Variants in C9orf85 observed in about 807,000 individuals in gnomAD.
C9orf85 encodes chromosome 9 open reading frame 85.
In C9orf85, 16 loss-of-function variants were observed where a neutral mutation model predicts 14.9. The ratio of observed to expected loss-of-function variants is 1.08; its 90% CI spans 0.73 to 1.63. The LOEUF (loss-of-function observed/expected upper bound fraction) is 1.63, where lower values mean the gene tolerates loss of function less well. Ranked by LOEUF, C9orf85 falls within the 40% of genes most tolerant of loss-of-function variation. The pLI is 0.00. For missense variants in C9orf85, 172 were observed against 186.1 expected (o/e 0.92, Z 0.44); for synonymous variants, 45 against 56.8 (o/e 0.79, Z 0.93).
At chr9:71,914,612 C>T (rs1203601036) in intron 1 of C9orf85, among the ~76,000 whole-genome samples, 1 of 152,144 alleles carries the variant, frequency 6.6e-6, no homozygotes, top group African/African-American at 2.4e-5. Context: ...ATAGGTAAAG[C>T]ACTCATTCTC....
chr9:71,979,607 A>G (rs1823060450), intron 3 of C9orf85, among the ~76,000 whole-genome samples: 1 of 152,222 alleles, frequency 6.6e-6, no homozygotes, highest in African/African-American at 2.4e-5. Flanking sequence ...AGTTTTTAAT[A>G]CTTGTTGAGT....
chr9:71,911,859 G>A (rs1218962303), intron 1 of C9orf85, 23 bp downstream of exon 1: 1 of 1,598,374 alleles, frequency 6.3e-7, no homozygotes, highest in Non-Finnish European at 8.6e-7. Context: ...CTGTTGCACC[G>A]TCTTTGACTC....
At position 71,973,392 on chromosome 9, in the gene C9orf85, C is replaced by G. The variant is rs1822941522; in HGVS notation, c.*550C>G. ...AAATAAAATAACATTATTACATTGC[C>G]TCAAAAATTGGTCCTCGGTAAGTGC... On this transcript the variant is annotated 3_prime_UTR_variant, in exon 4 of 4. Transcript: ENST00000334731. 1 of 152,078 alleles carries G rather than the reference C, an allele frequency of 6.6e-6. No homozygotes were observed. Among genetic ancestry groups the G allele is most frequent in the Non-Finnish European group, 1.5e-5 (1 of 68,038 alleles). The allele number at this position is 152,078 out of a possible 1,614,324, so 9.4% of individuals were successfully genotyped here.
Position 71,931,367 on chromosome 9 carries a change from ATGTTTAGTCTGTAACTAAACAG to A in C9orf85, c.103-15624_103-15603del, listed in dbSNP as rs558099512. Among the ~76,000 whole-genome samples, 345 of 152,322 alleles carry A rather than the reference ATGTTTAGTCTGTAACTAAACAG, an allele frequency of 2.3e-3. 2 individuals are homozygous for A. Among genetic ancestry groups the A allele is most frequent in the African/African-American group, 7.0e-3 (292 of 41,574 alleles). ...TCAGATATCTGAAACAGTCTCCAGA[ATGTTTAGTCTGTAACTAAACAG>A]TGTTTAGTCTGTAAACACTGTATGT... On this transcript the variant is annotated intron_variant, in intron 1 of 3. Transcript: ENST00000334731.
chr9:71,917,930 C>G (rs1278389004), intron 1 of C9orf85, among the ~76,000 whole-genome samples: 1 of 152,220 alleles, frequency 6.6e-6, no homozygotes, highest in Non-Finnish European at 1.5e-5. Flanking sequence ...TGCCTGTAAT[C>G]ACAGCACTTT....
chr9:71,962,817 A>T (rs1270751121), intron 2 of C9orf85, among the ~76,000 whole-genome samples: 1 of 152,156 alleles, frequency 6.6e-6, no homozygotes, highest in African/African-American at 2.4e-5. Context: ...GCACTTTGGG[A>T]GGCCGAGGCA....
At chr9:71,981,684 T>C (rs1823099014) in intron 3 of C9orf85, among the ~76,000 whole-genome samples, 1 of 152,326 alleles carries the variant, frequency 6.6e-6, no homozygotes, top group Admixed American at 6.5e-5. Context: ...TATCACAGTA[T>C]TCCTGAAATT....
chr9:71,974,338 G>A (rs1325499387), downstream of C9orf85, among the ~76,000 whole-genome samples: 1 of 151,516 alleles, frequency 6.6e-6, no homozygotes, highest in Non-Finnish European at 1.5e-5. Context: ...CCACCTCCCG[G>A]GTTCAAGTGA....
In C9orf85 at chr9:71,968,101, T is replaced by TATAGAG. The variant is rs1554709461; in HGVS notation, c.210-3403_210-3402insTAGAGA. On this transcript the variant is annotated intron_variant, in intron 2 of 3. Coordinates refer to ENST00000334731, the MANE Select transcript of C9orf85 (RefSeq NM_182505.5). Reference sequence around the variant, plus strand: ...ATCCATTGCTGCATATATATATATATAGAGAGAGAGAGAGAGAGTGCATGC... The same window carrying TATAGAG: ...ATCCATTGCTGCATATATATATATATATAGAGAGAGAGAGAGAGAGAGAGTGCATGC... 5.0e-4 allele frequency among the ~76,000 whole-genome samples: 74 copies of TATAGAG among 146,810 alleles called. 1 individual carries two copies. Among genetic ancestry groups the TATAGAG allele is most frequent in the African/African-American group, 1.4e-3 (57 of 39,756 alleles).
At chr9:71,972,210 T>A (rs1230331084) in intron 3 of C9orf85, among the ~76,000 whole-genome samples, 3 of 152,302 alleles carry the variant, frequency 2.0e-5, no homozygotes, top group South Asian at 4.1e-4. Flanking sequence ...TATTTGAGCC[T>A]ACTTTAGTGA....
At chr9:71,912,032 A>G (rs2132232738) in intron 1 of C9orf85, 196 bp downstream of exon 1, 1 of 631,808 alleles carries the variant, frequency 1.6e-6, no homozygotes, top group South Asian at 1.6e-5. Flanking sequence ...CTCCTGGTAA[A>G]TATTTGATGG....
chr9:71,963,624 T>A (rs1325819398), intron 2 of C9orf85, among the ~76,000 whole-genome samples: 1 of 152,166 alleles, frequency 6.6e-6, no homozygotes, highest in Non-Finnish European at 1.5e-5. Flanking sequence ...TGGCGGGCCC[T>A]GCACTCAGAT....
intron 1 of C9orf85, among the ~76,000 whole-genome samples, chr9:71,931,367 A>G (rs572399058): frequency 6.6e-6 from 1 of 152,322 alleles, no homozygotes; most frequent in African/African-American, 2.4e-5. Context: ...AGTCTCCAGA[A>G]TGTTTAGTCT....
At position 71,953,213 on chromosome 9, in the gene C9orf85, G is replaced by A. The variant is rs115916234; in HGVS notation, c.209+6101G>A. Among the ~76,000 whole-genome samples the A allele has an allele frequency of 4.4e-3, 672 of 152,230 alleles. 4 individuals are homozygous for A. The highest frequency in any genetic ancestry group is 0.015 in the African/African-American group (640 of 41,536). On this transcript the variant is annotated intron_variant, in intron 2 of 3. Transcript: ENST00000334731. The stretch of plus-strand genomic sequence containing the variant: ...TGGTTGAGAAGCCTTGCTCTGTACC[G>A]AATAGATAGATACTCACAAAGCCAA...
chr9:71,953,797 TA>T (rs1247778931), intron 2 of C9orf85, among the ~76,000 whole-genome samples: 2 of 151,752 alleles, frequency 1.3e-5, no homozygotes, highest in Non-Finnish European at 2.9e-5. Flanking sequence ...ACCAGTGGTT[TA>T]AAAAAAAGTG....
chr9:71,962,920 G>A lies in C9orf85; in HGVS notation c.210-8585G>A, dbSNP rs943395997. ...CAAATACAAAAATTAGCCAGGTGTAGTGGTGCGTGGCTATAATCCCAGCTA... is the reference window on the plus strand; with the variant it reads ...CAAATACAAAAATTAGCCAGGTGTAATGGTGCGTGGCTATAATCCCAGCTA... On this transcript the variant is annotated intron_variant, in intron 2 of 3. Coordinates refer to ENST00000334731, the MANE Select transcript of C9orf85 (RefSeq NM_182505.5). 2.0e-5 allele frequency among the ~76,000 whole-genome samples: 3 copies of A among 152,134 alleles called. No homozygotes were observed. In the East Asian group the frequency reaches 5.8e-4, roughly 29 times the overall value.
At chr9:71,965,511 G>T (rs1369873822) in intron 2 of C9orf85, among the ~76,000 whole-genome samples, 3 of 152,082 alleles carry the variant, frequency 2.0e-5, no homozygotes, top group Non-Finnish European at 4.4e-5. Flanking sequence ...CTATTTTATT[G>T]CCAGTGCTCA....
chr9:71,919,952 C>T (rs941894535), intron 1 of C9orf85, among the ~76,000 whole-genome samples: 7 of 151,684 alleles, frequency 4.6e-5, no homozygotes, highest in Middle Eastern at 3.2e-3. Context: ...TGGGTTCAAG[C>T]ACTTCTCCTG....
chr9:71,941,542 A>G (rs890026335), intron 1 of C9orf85, among the ~76,000 whole-genome samples: 2 of 152,260 alleles, frequency 1.3e-5, no homozygotes, highest in African/African-American at 4.8e-5. Flanking sequence ...GAGTTAAATT[A>G]CAGCATGAGA....
Sources: allele counts gnomAD v4.1 joint callset (sites outside exome capture counted in the v4.1 genomes callset), GRCh38; gene constraint gnomAD v4.1.1; transcripts MANE v1.5; gene names NCBI Gene and HGNC (gene_info 2026-07-23, HGNC 2026-07-21).